Variants in SPATA6 observed in about 807,000 individuals in gnomAD.
SPATA6 encodes the protein spermatogenesis associated 6.
A neutral mutation model predicts 65.3 loss-of-function variants in SPATA6; 56 were observed. The observed-to-expected ratio is 0.86, with a 90% CI of 0.69 to 1.07. The LOEUF (loss-of-function observed/expected upper bound fraction) is 1.07. SPATA6 is among the 50% of genes least tolerant of loss of function. The probability of loss-of-function intolerance (pLI) is 0.00; values close to 1 mark genes in which losing one functional copy is unlikely to be tolerated. For missense variants in SPATA6, 590 were observed against 594.8 expected (o/e 0.99, Z 0.08); for synonymous variants, 199 against 213.2 (o/e 0.93, Z 0.58).
chr1:48,417,187 A>C (rs1403922451), intron 3 of SPATA6, among the ~76,000 whole-genome samples: 1 of 152,226 alleles, frequency 6.6e-6, no homozygotes, highest in Non-Finnish European at 1.5e-5. Flanking sequence ...TGCAAACACA[A>C]AATGTTCAAA....
chr1:48,264,117 T>C, the SPATA6 span, among the ~76,000 whole-genome samples: 1 of 152,194 alleles, frequency 6.6e-6, no homozygotes, highest in Admixed American at 6.5e-5. Context: ...GAGAAATGGC[T>C]GGAGAAACAC....
Position 48,305,754 on chromosome 1 carries a change from T to C in SPATA6, c.1286+33A>G, listed in dbSNP as rs995958997. Reference sequence around the variant, plus strand: ...ATAAAACAGTTATTTTTATCAGAACTATGAGAAGGATATACATATATTTCA... The same window carrying C: ...ATAAAACAGTTATTTTTATCAGAACCATGAGAAGGATATACATATATTTCA... On this transcript the variant is annotated intron_variant, in intron 12 of 12. Coordinates refer to ENST00000371847, the MANE Select transcript of SPATA6 (RefSeq NM_019073.4). 2.7e-6 allele frequency: 4 copies of C among 1,480,094 alleles called. No individual in the cohort carries two copies. In the African/African-American group the frequency reaches 4.3e-5, roughly 16 times the overall value. 91.7% of individuals were successfully genotyped at this position (1,480,094 alleles called of 1,614,324 possible).
chr1:48,367,746 A>G, intron 9 of SPATA6, among the ~76,000 whole-genome samples: 1 of 152,106 alleles, frequency 6.6e-6, no homozygotes. Flanking sequence ...TTGACTCTTT[A>G]TCCAATTTGC....
intron 3 of SPATA6, chr1:48,436,587 T>C: frequency 3.1e-6 from 5 of 1,613,322 alleles, no homozygotes; most frequent in South Asian, 2.2e-5. Context: ...CCCATCTGCA[T>C]AGTTTGGTTA....
At chr1:48,435,426 A>C (rs2265479) in intron 3 of SPATA6, among the ~76,000 whole-genome samples, 6,889 of 151,200 alleles carry the variant, frequency 0.046, 488 homozygotes, top group African/African-American at 0.16. Context: ...TCAGCACTCT[A>C]AAATCGCACC....
At chr1:48,380,203 C>T (rs142447157) in intron 9 of SPATA6, among the ~76,000 whole-genome samples, 1 of 152,214 alleles carries the variant, frequency 6.6e-6, no homozygotes, top group Admixed American at 6.5e-5. Flanking sequence ...CTTCATGGCT[C>T]TTTTCCATAT....
At chr1:48,365,360 G>T (rs1016034080) in intron 9 of SPATA6, among the ~76,000 whole-genome samples, 1 of 152,000 alleles carries the variant, frequency 6.6e-6, no homozygotes, top group Non-Finnish European at 1.5e-5. Context: ...CTTGATGGGG[G>T]TGGCATTGAA....
chr1:48,271,182 C>T, the SPATA6 span, among the ~76,000 whole-genome samples: 1 of 152,098 alleles, frequency 6.6e-6, no homozygotes, highest in Non-Finnish European at 1.5e-5. Flanking sequence ...TACCTCGATC[C>T]ACTTTCTAAC....
chr1:48,472,149 C>G lies in SPATA6; in HGVS notation c.-141G>C. ...TGGCCCCCAGGCCGGGGCCCGCGGT[C>G]CAGCCTGGGTTCCGCCGGAGAAGCA... On this transcript the variant is annotated 5_prime_UTR_variant, in exon 1 of 13. Transcript: ENST00000371847. 1 of 634,436 alleles carries G rather than the reference C, an allele frequency of 1.6e-6. No individual in the cohort carries two copies. The highest frequency in any genetic ancestry group is 3.4e-5 in the East Asian group (1 of 29,806). 39.3% of individuals were successfully genotyped at this position (634,436 alleles called of 1,614,324 possible). A position where few individuals can be genotyped will look rare whatever the true frequency, so the allele number is the denominator to read the frequency against.
At chr1:48,417,858 A>C (rs972672533) in intron 3 of SPATA6, among the ~76,000 whole-genome samples, 1 of 152,000 alleles carries the variant, frequency 6.6e-6, no homozygotes, top group African/African-American at 2.4e-5. Context: ...AAACAAAAAA[A>C]CATTTTTGTT....
chr1:48,347,893 A>T (rs146827301), intron 11 of SPATA6, among the ~76,000 whole-genome samples: 159 of 152,034 alleles, frequency 1.0e-3, no homozygotes, highest in Middle Eastern at 3.4e-3. Flanking sequence ...CTGCAGGAAG[A>T]TTGTCTCAAC....
At chr1:48,438,290 A>G (rs1017026504) in intron 3 of SPATA6, among the ~76,000 whole-genome samples, 1 of 152,190 alleles carries the variant, frequency 6.6e-6, no homozygotes, top group Non-Finnish European at 1.5e-5. Context: ...ACCATCGCCA[A>G]GCAGTGAGTA....
At position 48,435,957 on chromosome 1, in the gene SPATA6, A is replaced by C. The variant is rs755776945; in HGVS notation, c.238+15595T>G. The C allele has an allele frequency of 2.1e-4, 336 of 1,593,350 alleles. No homozygotes were observed. The Middle Eastern group carries it at 5.9e-3, about 28-fold the overall frequency. The stretch of plus-strand genomic sequence containing the variant: ...TTTTTGTCACTTTCTGTGTGAACTA[A>C]AGTGATTCAATGTCTCTTTTGGATT... On this transcript the variant is annotated intron_variant, in intron 3 of 12. Transcript: ENST00000371847.
At chr1:48,471,849 G>A (rs1479280834) in intron 1 of SPATA6, 109 bp downstream of exon 1, 1 of 1,310,462 alleles carries the variant, frequency 7.6e-7, no homozygotes, top group Non-Finnish European at 1.1e-6. Flanking sequence ...CGCTCCCTAG[G>A]GATGATTCGG....
intron 3 of SPATA6, among the ~76,000 whole-genome samples, chr1:48,448,492 GA>G (rs199827948): frequency 0.33 from 45,137 of 136,466 alleles, 8,190 homozygotes; most frequent in Middle Eastern, 0.44. Context: ...GTCCCCACAG[GA>G]AAAAAAAAAA....
chr1:48,431,880 G>A (rs563631203), intron 3 of SPATA6, among the ~76,000 whole-genome samples: 7 of 152,194 alleles, frequency 4.6e-5, no homozygotes, highest in Non-Finnish European at 8.8e-5. Context: ...GGAGGCCAAG[G>A]TGGGTGGATT....
chr1:48,411,274 A>C (rs1229305103), intron 5 of SPATA6, among the ~76,000 whole-genome samples, 190 bp downstream of exon 5: 3 of 152,226 alleles, frequency 2.0e-5, no homozygotes, highest in Non-Finnish European at 4.4e-5. Context: ...CATTGCTGTA[A>C]ATAAATATCT....
chr1:48,364,695 T>A (rs966132298), intron 9 of SPATA6, among the ~76,000 whole-genome samples: 6 of 152,252 alleles, frequency 3.9e-5, no homozygotes, highest in African/African-American at 1.2e-4. Context: ...ATTCTGGATG[T>A]TAGCCCTTTG....
At chr1:48,467,178 A>G (rs1657872388) in intron 1 of SPATA6, among the ~76,000 whole-genome samples, 1 of 152,178 alleles carries the variant, frequency 6.6e-6, no homozygotes. Context: ...CTCTCATGTC[A>G]TATGGCTCTG....
Sources: gnomAD v4.1 joint callset for allele counts (sites outside exome capture counted in the v4.1 genomes callset) on GRCh38, gnomAD v4.1.1 for gene constraint, MANE v1.5 for transcripts, NCBI Gene and HGNC (gene_info 2026-07-23, HGNC 2026-07-21) for gene names.